Variants in RMDN2 observed in about 807,000 individuals in gnomAD.
The protein encoded by RMDN2 is regulator of microtubule dynamics protein 2.
A neutral mutation model predicts 52.8 loss-of-function variants in RMDN2; 61 were observed. The ratio of observed to expected loss-of-function variants is 1.16; its 90% CI spans 0.94 to 1.43. The LOEUF is 1.43. Among genes scored for constraint, RMDN2 ranks in the 40% most tolerant of loss-of-function variants. RMDN2 has a pLI of 0.00. For missense variants in RMDN2, 592 were observed against 475.3 expected, an observed-to-expected ratio of 1.25 and a Z score of -2.28; for synonymous variants, 180 against 153.1, an observed-to-expected ratio of 1.18 and a Z score of -1.30.
At chr2:38,042,664 C>T (rs931709531) in intron 10 of RMDN2, among the ~76,000 whole-genome samples, 1 of 152,128 alleles carries the variant, frequency 6.6e-6, no homozygotes, top group African/African-American at 2.4e-5. Flanking sequence ...CTAAGCACAG[C>T]TTTCACTGCA....
intron 2 of RMDN2, among the ~76,000 whole-genome samples, chr2:37,936,247 C>T (rs1163095147): frequency 6.6e-6 from 1 of 152,198 alleles, no homozygotes; most frequent in African/African-American, 2.4e-5. Flanking sequence ...TTTAGGGATG[C>T]ATGGTATTCC....
chr2:37,966,015 T>A (rs150585633), intron 2 of RMDN2, among the ~76,000 whole-genome samples: 1 of 152,346 alleles, frequency 6.6e-6, no homozygotes, highest in East Asian at 1.9e-4. Context: ...TGTAATGAGT[T>A]GCTTTTCTTT....
intron 2 of RMDN2, among the ~76,000 whole-genome samples, chr2:37,941,189 T>G (rs1017224443): frequency 1.3e-5 from 2 of 152,232 alleles, no homozygotes; most frequent in Admixed American, 1.3e-4. Context: ...GGGAGTCCAC[T>G]GTAGACCCTG....
intron 10 of RMDN2, among the ~76,000 whole-genome samples, chr2:38,060,102 TA>T (rs1460632118): frequency 4.2e-5 from 6 of 143,720 alleles, no homozygotes; most frequent in Admixed American, 1.4e-4. Context: ...TATTTTATTT[TA>T]TTTTATTTTA....
chr2:38,042,957 A>T (rs1291871509), intron 10 of RMDN2, among the ~76,000 whole-genome samples: 1 of 152,186 alleles, frequency 6.6e-6, no homozygotes, highest in East Asian at 1.9e-4. Flanking sequence ...GACCTAGAGA[A>T]TAATGTGTAT....
chr2:38,039,012 A>G (rs1045459123), intron 10 of RMDN2, among the ~76,000 whole-genome samples: 2 of 151,428 alleles, frequency 1.3e-5, no homozygotes, highest in Non-Finnish European at 2.9e-5. Flanking sequence ...AATGAAAATA[A>G]TATTTTTGAG....
chr2:37,984,093 T>A (rs1327061022), intron 5 of RMDN2, among the ~76,000 whole-genome samples: 4 of 152,084 alleles, frequency 2.6e-5, no homozygotes, highest in Admixed American at 1.3e-4. Context: ...AAGAATAAAT[T>A]TCAAAAAGGG....
chr2:37,933,731 A>C (rs1460702766), intron 2 of RMDN2, among the ~76,000 whole-genome samples: 1 of 152,238 alleles, frequency 6.6e-6, no homozygotes, highest in African/African-American at 2.4e-5. Context: ...AGTACCATCC[A>C]GCTTCGGCTC....
chr2:37,963,002 T>A (rs1670470183), intron 2 of RMDN2: 1 of 152,680 alleles, frequency 6.5e-6, no homozygotes. Flanking sequence ...TACCCCACCC[T>A]CTTTGGCTCG....
intron 2 of RMDN2, among the ~76,000 whole-genome samples, chr2:37,933,898 C>T (rs765380900): frequency 4.7e-4 from 72 of 152,098 alleles, no homozygotes; most frequent in Non-Finnish European, 9.3e-4. Context: ...TTTTCAGAAA[C>T]AAGGTTTTTG....
chr2:37,993,665 C>T (rs1022219400), intron 7 of RMDN2, among the ~76,000 whole-genome samples: 15 of 146,556 alleles, frequency 1.0e-4, no homozygotes, highest in Admixed American at 7.8e-4. Flanking sequence ...AGTCTGTAGA[C>T]CTTTGTTGGG....
rs578213974 is a variant in RMDN2 at position 37,973,740 on chromosome 2, C to G, written c.453-300C>G. Among the ~76,000 whole-genome samples, 12 of 152,044 alleles carry G rather than the reference C, an allele frequency of 7.9e-5. No individual in the cohort carries two copies. The South Asian group carries it at 2.1e-3, about 26-fold the overall frequency. On this transcript the variant is annotated intron_variant, in intron 2 of 10. Coordinates refer to ENST00000354545, the MANE Select transcript of RMDN2 (RefSeq NM_001170791.3). ...AACGGCGTTTCATTAAAGGGAACAG[C>G]AAGTGGAGGTTCCGAGGTAGGCACG...
At chr2:37,967,149 T>C (rs1205764512) in intron 2 of RMDN2, among the ~76,000 whole-genome samples, 1 of 152,174 alleles carries the variant, frequency 6.6e-6, no homozygotes, top group African/African-American at 2.4e-5. Flanking sequence ...TGAATTTTGT[T>C]TGTGTCCTCT....
At chr2:38,024,989 G>A (rs937010831) in intron 10 of RMDN2, among the ~76,000 whole-genome samples, 4 of 152,002 alleles carry the variant, frequency 2.6e-5, no homozygotes, top group Non-Finnish European at 4.4e-5. Context: ...TTTTTGTTCT[G>A]TTTGGACTGC....
At chr2:38,007,857 C>G (rs1677343285) in intron 10 of RMDN2, among the ~76,000 whole-genome samples, 1 of 152,064 alleles carries the variant, frequency 6.6e-6, no homozygotes, top group Non-Finnish European at 1.5e-5. Context: ...CTATAAATTT[C>G]CCTCTACACA....
In RMDN2 at chr2:37,966,357, C is replaced by T. The variant is rs146230093; in HGVS notation, c.453-7683C>T. 6.0e-3 allele frequency among the ~76,000 whole-genome samples: 906 copies of T among 151,598 alleles called. 11 individuals carry two copies. The highest frequency in any genetic ancestry group is 0.021 in the African/African-American group (847 of 41,242). ...GCATGAACCCAGGAGGCAGAACTTA[C>T]AGTGAGCCGAGATCATGCCACTGCA... On this transcript the variant is annotated intron_variant, in intron 2 of 10. Transcript: ENST00000354545.
chr2:38,012,297 T>G (rs1193030906), intron 10 of RMDN2, among the ~76,000 whole-genome samples: 1 of 152,228 alleles, frequency 6.6e-6, no homozygotes, highest in Admixed American at 6.5e-5. Flanking sequence ...ATACTTTTCC[T>G]TGCTATCATT....
intron 10 of RMDN2, among the ~76,000 whole-genome samples, chr2:38,007,663 G>T (rs967969560): frequency 6.6e-6 from 1 of 152,188 alleles, no homozygotes; most frequent in Non-Finnish European, 1.5e-5. Context: ...TCAGCTCCTG[G>T]ATTCATTGAT....
At chr2:38,021,862 T>A (rs559766533), downstream of RMDN2, among the ~76,000 whole-genome samples, 2 of 152,306 alleles carry the variant, frequency 1.3e-5, no homozygotes, top group African/African-American at 4.8e-5. Context: ...TGAGGCCCAG[T>A]TCTTAACAGG....
Sources: allele counts gnomAD v4.1 joint callset (sites outside exome capture counted in the v4.1 genomes callset), GRCh38; gene constraint gnomAD v4.1.1; transcripts MANE v1.5; gene names NCBI Gene and HGNC (gene_info 2026-07-23, HGNC 2026-07-21).